The following LDLRAD4 variants were observed in gnomAD, a reference collection of about 807,000 sequenced individuals.
LDLRAD4 encodes low-density lipoprotein receptor class A domain-containing protein 4.
In LDLRAD4, 5 loss-of-function variants were observed where a neutral mutation model predicts 17.0. That is an observed-to-expected ratio of 0.29 (90% confidence interval 0.15 to 0.62). The LOEUF (loss-of-function observed/expected upper bound fraction) is 0.62, where lower values mean the gene tolerates loss of function less well. Among genes scored for constraint, LDLRAD4 ranks in the 20% least tolerant of loss-of-function variants. The probability of loss-of-function intolerance (pLI) is 0.84; values close to 1 mark genes in which losing one functional copy is unlikely to be tolerated. For missense variants in LDLRAD4, 340 were observed against 424.7 expected (o/e 0.80, Z 1.75); for synonymous variants, 168 against 171.8 (o/e 0.98, Z 0.17).
intron 1 of LDLRAD4, among the ~76,000 whole-genome samples, chr18:13,307,226 G>A (rs1054550310): frequency 1.1e-4 from 16 of 152,136 alleles, no homozygotes; most frequent in Non-Finnish European, 1.9e-4. Flanking sequence ...TGCCTTTCCT[G>A]TCCCGGTTCC....
chr18:13,581,226 A>C (rs942870992), intron 3 of LDLRAD4, among the ~76,000 whole-genome samples: 2 of 152,220 alleles, frequency 1.3e-5, no homozygotes, highest in African/African-American at 4.8e-5. Context: ...TCAGTGGTGG[A>C]CTATTCCACT....
At chr18:13,259,188 TCTC>T (rs2043669020) in intron 1 of LDLRAD4, among the ~76,000 whole-genome samples, 1 of 151,992 alleles carries the variant, frequency 6.6e-6, no homozygotes, top group Admixed American at 6.6e-5. Flanking sequence ...TCCCCTCCCC[TCTC>T]CTCCTCTCCC....
chr18:13,333,738 A>T (rs2081975841), intron 1 of LDLRAD4, among the ~76,000 whole-genome samples: 1 of 152,080 alleles, frequency 6.6e-6, no homozygotes, highest in South Asian at 2.1e-4. Context: ...TCTTTCTGGA[A>T]TTTCTATTAT....
At chr18:13,277,810 G>T (rs1394632956), upstream of LDLRAD4, among the ~76,000 whole-genome samples, 1 of 152,222 alleles carries the variant, frequency 6.6e-6, no homozygotes, top group Non-Finnish European at 1.5e-5. Flanking sequence ...CAAAGAGGAG[G>T]CCCGTGCCTC....
intron 1 of LDLRAD4, among the ~76,000 whole-genome samples, chr18:13,304,085 C>T (rs1047362930): frequency 2.6e-5 from 4 of 152,196 alleles, no homozygotes; most frequent in Admixed American, 2.6e-4. Flanking sequence ...GGTCTGGTCC[C>T]CCCGGGAGGC....
At chr18:13,583,262 A>AT (rs1032584187) in intron 3 of LDLRAD4, among the ~76,000 whole-genome samples, 3 of 152,044 alleles carry the variant, frequency 2.0e-5, no homozygotes, top group African/African-American at 7.2e-5. Context: ...ATATTCTCTC[A>AT]TTTTTTTCTA....
intron 1 of LDLRAD4, among the ~76,000 whole-genome samples, chr18:13,321,816 G>A (rs573638366): frequency 9.9e-5 from 13 of 131,180 alleles, no homozygotes; most frequent in South Asian, 2.6e-4. Context: ...AGCCGAGATC[G>A]CGCCATTGCA....
intron 1 of LDLRAD4, among the ~76,000 whole-genome samples, chr18:13,290,204 AG>A (rs1265377858): frequency 6.6e-6 from 1 of 152,146 alleles, no homozygotes; most frequent in South Asian, 2.1e-4. Flanking sequence ...CATAATTCTC[AG>A]GGTCCTCAGT....
intron 3 of LDLRAD4, among the ~76,000 whole-genome samples, chr18:13,439,113 G>A (rs1009405885): frequency 7.9e-5 from 12 of 152,038 alleles, no homozygotes; most frequent in African/African-American, 1.7e-4. Flanking sequence ...TGGCCGGGCC[G>A]ACCCTCCTCA....
chr18:13,355,640 G>GT (rs1342621376), intron 1 of LDLRAD4, among the ~76,000 whole-genome samples: 2 of 151,280 alleles, frequency 1.3e-5, no homozygotes, highest in Admixed American at 6.6e-5. Flanking sequence ...CAAGAGTCTG[G>GT]TTTTTTTTTG....
At chr18:13,584,055 C>T (rs2094902793) in intron 3 of LDLRAD4, among the ~76,000 whole-genome samples, 1 of 152,194 alleles carries the variant, frequency 6.6e-6, no homozygotes, top group Non-Finnish European at 1.5e-5. Context: ...TGCAGGTGAG[C>T]CCGGCCCACC....
intron 3 of LDLRAD4, among the ~76,000 whole-genome samples, chr18:13,508,837 C>T (rs7229109): frequency 0.38 from 57,442 of 152,028 alleles, 11,894 homozygotes; most frequent in Middle Eastern, 0.56. Flanking sequence ...GATTGAGGAG[C>T]AATTTTTACT....
intron 3 of LDLRAD4, among the ~76,000 whole-genome samples, chr18:13,578,680 T>G (rs190213628): frequency 1.3e-5 from 2 of 152,336 alleles, no homozygotes; most frequent in East Asian, 3.9e-4. Flanking sequence ...ATGCTGGTGC[T>G]GGCTTCTTAG....
chr18:13,518,498 A>G (rs144593987), intron 3 of LDLRAD4, among the ~76,000 whole-genome samples: 87 of 152,222 alleles, frequency 5.7e-4, no homozygotes, highest in African/African-American at 2.0e-3. Context: ...TACCCACTCT[A>G]TCTGGTATTT....
chr18:13,623,559 G>A (rs1236316970), intron 4 of LDLRAD4, among the ~76,000 whole-genome samples: 2 of 152,356 alleles, frequency 1.3e-5, no homozygotes, highest in East Asian at 1.9e-4. Flanking sequence ...AGGACTCTGT[G>A]TGATGTTTCA....
chr18:13,323,157 T>A (rs1447309476), intron 1 of LDLRAD4, among the ~76,000 whole-genome samples: 3 of 152,220 alleles, frequency 2.0e-5, no homozygotes, highest in Non-Finnish European at 4.4e-5. Flanking sequence ...AAGCTTTTGT[T>A]TTTTAGAAAT....
At position 13,315,804 on chromosome 18, in the gene LDLRAD4, A is replaced by G. The variant is rs1349199993; in HGVS notation, c.-383+37616A>G. Among the ~76,000 whole-genome samples, 5 of 151,612 alleles carry G rather than the reference A, an allele frequency of 3.3e-5. No individual in the cohort carries two copies. The East Asian group carries it at 9.7e-4, about 29-fold the overall frequency. On this transcript the variant is annotated intron_variant, in intron 1 of 5. Coordinates refer to ENST00000359446, the Ensembl canonical transcript of LDLRAD4. The stretch of plus-strand genomic sequence containing the variant: ...CGTCTAAAAAAAAAAAAAAAAAAGA[A>G]TGTATAAAACTGGACTTAAATGGAA...
chr18:13,387,560 C>T, exon 2 of LDLRAD4: 1 of 650,192 alleles, frequency 1.5e-6, no homozygotes, highest in Non-Finnish European at 2.7e-6. Flanking sequence ...GTACCGCCCG[C>T]CCGCGCGAGA....
intron 1 of LDLRAD4, among the ~76,000 whole-genome samples, chr18:13,307,124 T>C (rs765837713): frequency 6.6e-6 from 1 of 152,154 alleles, no homozygotes; most frequent in Non-Finnish European, 1.5e-5. Flanking sequence ...GGAAGAAGAA[T>C]TGGTGCTGTT....
Sources: allele counts gnomAD v4.1 joint callset (sites outside exome capture counted in the v4.1 genomes callset), GRCh38; gene constraint gnomAD v4.1.1; transcripts MANE v1.5; gene names NCBI Gene and HGNC (gene_info 2026-07-23, HGNC 2026-07-21).